CDYL: variants seen among roughly 807,000 people sequenced by gnomAD.
The protein encoded by CDYL is chromodomain Y-like protein.
Under a neutral mutation model 47.3 loss-of-function variants are expected in CDYL, and 8 were observed. The ratio of observed to expected loss-of-function variants is 0.17; its 90% CI spans 0.10 to 0.31. The LOEUF (loss-of-function observed/expected upper bound fraction) is 0.31. CDYL is among the 10% of genes least tolerant of loss of function. CDYL has a pLI of 1.00. For synonymous variants in CDYL, 266 were observed against 265.0 expected (o/e 1.00, Z -0.04); for missense variants, 471 against 701.4 (o/e 0.67, Z 3.71).
intron 1 of CDYL, among the ~76,000 whole-genome samples, chr6:4,872,102 G>A (rs927182493): frequency 1.3e-4 from 20 of 152,202 alleles, no homozygotes; most frequent in Non-Finnish European, 1.5e-4. Flanking sequence ...CTGTGGAACA[G>A]CTTTGCTGCA....
chr6:4,823,894 G>A (rs756397666), intron 1 of CDYL, among the ~76,000 whole-genome samples: 8 of 152,036 alleles, frequency 5.3e-5, no homozygotes, highest in Non-Finnish European at 1.2e-4. Flanking sequence ...CTCCCCATTC[G>A]CTTCCCCCAG....
chr6:4,716,593 A>ATTTTTTTTTTTTTTTTT (rs35154777), intron 2 of CDYL, among the ~76,000 whole-genome samples: 3 of 120,004 alleles, frequency 2.5e-5, no homozygotes, highest in Non-Finnish European at 3.4e-5. Context: ...GGCAGCAATA[A>ATTTTTTTTTTTTTTTTT]TTTTTTTTTT....
chr6:4,830,596 T>C (rs1760109284), intron 1 of CDYL, among the ~76,000 whole-genome samples: 1 of 150,916 alleles, frequency 6.6e-6, no homozygotes, highest in Non-Finnish European at 1.5e-5. Flanking sequence ...TTATTTATTT[T>C]AATTTTTTAT....
chr6:4,938,075 T>C (rs992331981), intron 4 of CDYL, among the ~76,000 whole-genome samples: 1 of 152,248 alleles, frequency 6.6e-6, no homozygotes, highest in Non-Finnish European at 1.5e-5. Flanking sequence ...TTCCTATTAT[T>C]TGTGCCGTGA....
chr6:4,914,374 C>G (rs577874439), intron 2 of CDYL, among the ~76,000 whole-genome samples: 1 of 152,146 alleles, frequency 6.6e-6, no homozygotes, highest in Admixed American at 6.5e-5. Context: ...CCTGCTTCAC[C>G]TCCACACTTT....
chr6:4,813,173 G>C (rs1413276959), intron 1 of CDYL, among the ~76,000 whole-genome samples: 8 of 152,144 alleles, frequency 5.3e-5, no homozygotes, highest in African/African-American at 1.9e-4. Flanking sequence ...TTGTGTTTAT[G>C]CATCCATTTC....
At chr6:4,876,458 G>A (rs1761623004) in intron 1 of CDYL, among the ~76,000 whole-genome samples, 1 of 152,108 alleles carries the variant, frequency 6.6e-6, no homozygotes, top group African/African-American at 2.4e-5. Context: ...TCCTACCAAC[G>A]ATGTATGAAT....
At chr6:4,868,544 A>G (rs1210660576) in intron 1 of CDYL, among the ~76,000 whole-genome samples, 1 of 152,154 alleles carries the variant, frequency 6.6e-6, no homozygotes, top group East Asian at 1.9e-4. Context: ...TCTTTTTAAA[A>G]TAACGGAGTC....
At chr6:4,911,241 G>T (rs1189095854) in intron 2 of CDYL, among the ~76,000 whole-genome samples, 5 of 152,204 alleles carry the variant, frequency 3.3e-5, no homozygotes, top group Non-Finnish European at 5.9e-5. Flanking sequence ...TAAAGCCAGG[G>T]TTATGGTTAG....
At chr6:4,922,054 G>A (rs1757731710) in intron 2 of CDYL, among the ~76,000 whole-genome samples, 1 of 152,154 alleles carries the variant, frequency 6.6e-6, no homozygotes, top group Admixed American at 6.5e-5. Context: ...CTGCATTTGT[G>A]CAGCCTCATG....
intron 2 of CDYL, among the ~76,000 whole-genome samples, chr6:4,900,779 G>GTGTGTGTGTGTATATATA: frequency 1.9e-5 from 1 of 51,720 alleles, no homozygotes; most frequent in Admixed American, 2.0e-4. Context: ...GTATACGTGT[G>GTGTGTGTGTGTATATATA]TATATATATA....
chr6:4,902,733 G>A (rs879868431), intron 2 of CDYL, among the ~76,000 whole-genome samples: 1 of 92,242 alleles, frequency 1.1e-5, no homozygotes, highest in Admixed American at 1.1e-4. Flanking sequence ...TCCCCTTGGA[G>A]AAGGTGCCAG....
At position 4,776,673 on chromosome 6, in the gene CDYL, G is replaced by A. The variant is rs1445895402; in HGVS notation, c.-111G>A. On this transcript the variant is annotated 5_prime_UTR_variant, in exon 1 of 7. Coordinates refer to ENST00000397588, the MANE Select transcript of CDYL (RefSeq NM_004824.4). Reference sequence around the variant, plus strand: ...CCGTGCCCAGCGCCCGGCCGGCCGCGGGAGCAGGAAGCGCAGGCCACGCAG... The same window carrying A: ...CCGTGCCCAGCGCCCGGCCGGCCGCAGGAGCAGGAAGCGCAGGCCACGCAG... 2.0e-6 allele frequency: 2 copies of A among 977,114 alleles called. No individual in the cohort carries two copies. Among genetic ancestry groups the A allele is most frequent in the African/African-American group, 1.8e-5 (1 of 55,932 alleles). The allele number at this position is 977,114 out of a possible 1,614,324, so 60.5% of individuals were successfully genotyped here. A position where few individuals can be genotyped will look rare whatever the true frequency, so the allele number is the denominator to read the frequency against.
intron 1 of CDYL, among the ~76,000 whole-genome samples, chr6:4,813,243 G>C (rs1444507946): frequency 6.6e-6 from 1 of 152,196 alleles, no homozygotes; most frequent in East Asian, 1.9e-4. Context: ...TAACATGGTA[G>C]AGAACACTGC....
At chr6:4,916,403 T>G (rs1034294395) in intron 2 of CDYL, among the ~76,000 whole-genome samples, 3 of 152,226 alleles carry the variant, frequency 2.0e-5, no homozygotes, top group Admixed American at 2.0e-4. Flanking sequence ...ATCTATGTAC[T>G]TGTGGATAAT....
At chr6:4,776,942 C>A in intron 1 of CDYL, 135 bp downstream of exon 1, 1 of 241,884 alleles carries the variant, frequency 4.1e-6, no homozygotes, top group Non-Finnish European at 6.5e-6. Flanking sequence ...GTTTGCTGGA[C>A]GGGAAATGTG....
intron 1 of CDYL, among the ~76,000 whole-genome samples, chr6:4,833,980 A>C (rs1453218706): frequency 1.3e-5 from 2 of 151,168 alleles, no homozygotes; most frequent in Non-Finnish European, 2.9e-5. Context: ...TGCATGTGAG[A>C]TGGGTTTCCT....
chr6:4,876,059 C>G (rs919665945), intron 1 of CDYL, among the ~76,000 whole-genome samples: 19 of 152,230 alleles, frequency 1.2e-4, no homozygotes, highest in African/African-American at 4.6e-4. Context: ...AAAAGCTTAT[C>G]AAGCTGGAAA....
At chr6:4,860,343 C>A (rs1761128473) in intron 1 of CDYL, among the ~76,000 whole-genome samples, 1 of 151,690 alleles carries the variant, frequency 6.6e-6, no homozygotes, top group Non-Finnish European at 1.5e-5. Flanking sequence ...TCCCCTCACT[C>A]CCCCCTTCTT....
Sources: allele counts gnomAD v4.1 joint callset (sites outside exome capture counted in the v4.1 genomes callset), GRCh38; gene constraint gnomAD v4.1.1; transcripts MANE v1.5; gene names NCBI Gene and HGNC (gene_info 2026-07-23, HGNC 2026-07-21).